KIFAP3: variants seen among roughly 807,000 people sequenced by gnomAD.
The protein encoded by KIFAP3 is kinesin-associated protein 3.
A neutral mutation model predicts 106.5 loss-of-function variants in KIFAP3; 68 were observed. The ratio of observed to expected loss-of-function variants is 0.64; its 90% CI spans 0.53 to 0.78. KIFAP3 has a LOEUF of 0.78. Ranked by LOEUF, KIFAP3 falls within the 30% of genes least tolerant of loss-of-function variation. The probability of loss-of-function intolerance (pLI) is 0.00; values close to 1 mark genes in which losing one functional copy is unlikely to be tolerated. For missense variants in KIFAP3, 780 were observed against 941.8 expected, an observed-to-expected ratio of 0.83 and a Z score of 2.25; for synonymous variants, 320 against 311.5, an observed-to-expected ratio of 1.03 and a Z score of -0.29.
Position 170,034,452 on chromosome 1 carries a change from G to A in KIFAP3, c.662C>T (p.Ala221Val), listed in dbSNP as rs779688993. The change falls in exon 7 of 20, where the codon GCT (alanine) becomes GTT (valine). Residue 221 changes from alanine to valine, a missense_variant. Ala to Val is a moderately conservative substitution (Grantham distance 64). This residue lies in a region of KIFAP3 where 588 missense variants were observed against 678.9 expected (regional missense o/e 0.87). Coordinates refer to ENST00000361580, the MANE Select transcript of KIFAP3 (RefSeq NM_014970.4). ...HGLITHYKIGALCMNIIDHEL... is the reference protein window; with the variant it reads ...HGLITHYKIGVLCMNIIDHEL... ...ATGATCAATAATATTCATACACAGAGCTCCAATTTTATAGTGAGTAATAAG... is the reference window on the plus strand; with the variant it reads ...ATGATCAATAATATTCATACACAGAACTCCAATTTTATAGTGAGTAATAAG... 1 of 1,568,002 alleles carries A rather than the reference G, an allele frequency of 6.4e-7. No individual in the cohort carries two copies. Among genetic ancestry groups the A allele is most frequent in the East Asian group, 2.3e-5 (1 of 44,180 alleles).
At chr1:170,051,392 G>T (rs1403934599) in intron 2 of KIFAP3, among the ~76,000 whole-genome samples, 1 of 151,926 alleles carries the variant, frequency 6.6e-6, no homozygotes, top group Non-Finnish European at 1.5e-5. Flanking sequence ...CACAATAATA[G>T]TGGGAGACTT....
intron 17 of KIFAP3, among the ~76,000 whole-genome samples, chr1:169,968,893 T>A (rs1278406070): frequency 6.6e-6 from 1 of 151,764 alleles, no homozygotes; most frequent in Non-Finnish European, 1.5e-5. Flanking sequence ...TAAAATTATG[T>A]GTGTATATGC....
At chr1:169,994,785 T>A (rs1022694782) in intron 10 of KIFAP3, among the ~76,000 whole-genome samples, 5 of 151,720 alleles carry the variant, frequency 3.3e-5, no homozygotes, top group African/African-American at 1.2e-4. Flanking sequence ...GAATAGAGAG[T>A]CAAATCATTT....
intron 19 of KIFAP3, among the ~76,000 whole-genome samples, chr1:169,943,109 T>C (rs1664232320): frequency 6.6e-6 from 1 of 152,180 alleles, no homozygotes; most frequent in South Asian, 2.1e-4. Flanking sequence ...ACAATCTGTA[T>C]AATTCCTATT....
intron 19 of KIFAP3, among the ~76,000 whole-genome samples, chr1:169,939,561 A>T (rs1663996997): frequency 6.6e-6 from 1 of 152,222 alleles, no homozygotes; most frequent in African/African-American, 2.4e-5. Flanking sequence ...ACTTAAAGCC[A>T]TGGATCTGGA....
chr1:170,010,679 C>G (rs2101986629), intron 10 of KIFAP3, among the ~76,000 whole-genome samples: 1 of 152,068 alleles, frequency 6.6e-6, no homozygotes, highest in East Asian at 1.9e-4. Flanking sequence ...AACTGAGAAG[C>G]AGATTAACTG....
intron 17 of KIFAP3, among the ~76,000 whole-genome samples, chr1:169,962,981 G>A (rs1250824913): frequency 5.9e-5 from 9 of 151,974 alleles, no homozygotes; most frequent in Admixed American, 1.3e-4. Context: ...TTAGGTTCAG[G>A]GATACATGTG....
In KIFAP3 at chr1:170,059,387, T is replaced by C. The variant is rs1032678625; in HGVS notation, c.33-3951A>G. Among the ~76,000 whole-genome samples the C allele has an allele frequency of 9.5e-4, 145 of 152,170 alleles. 2 individuals are homozygous for C. Among genetic ancestry groups the C allele is most frequent in the Non-Finnish European group, 2.9e-4 (20 of 67,984 alleles). On this transcript the variant is annotated intron_variant, in intron 1 of 19. Coordinates refer to ENST00000361580, the MANE Select transcript of KIFAP3 (RefSeq NM_014970.4). ...TCAGAGAATACTATAAACACCTCTA[T>C]GCAAATAAACTAGAAAATCTAGAAG...
chr1:170,074,181 T>C (rs913046504), intron 1 of KIFAP3, among the ~76,000 whole-genome samples: 1 of 151,756 alleles, frequency 6.6e-6, no homozygotes, highest in African/African-American at 2.4e-5. Flanking sequence ...CCCCCTGGAA[T>C]AAGGTGATGT....
At position 170,074,520 on chromosome 1, in the gene KIFAP3, G is replaced by C. The variant is rs1671847599; in HGVS notation, c.-53C>G. The stretch of plus-strand genomic sequence containing the variant: ...ATGGGGTATCTTGAGAGGCAGGCGC[G>C]GTTATTTCCGGGGACGGTGGCCAAA... On this transcript the variant is annotated 5_prime_UTR_variant, in exon 1 of 20. Transcript: ENST00000361580. 4 of 1,612,106 alleles carry C rather than the reference G, an allele frequency of 2.5e-6. No homozygotes were observed. In the Admixed American group the frequency reaches 6.7e-5, roughly 27 times the overall value.
intron 16 of KIFAP3, among the ~76,000 whole-genome samples, chr1:169,973,899 G>T (rs1197927965): frequency 6.6e-6 from 1 of 151,736 alleles, no homozygotes; most frequent in African/African-American, 2.4e-5. Flanking sequence ...TAAGGAAATT[G>T]GTCAACATAC....
At chr1:170,062,598 AT>A (rs1330187937) in intron 1 of KIFAP3, among the ~76,000 whole-genome samples, 4 of 152,086 alleles carry the variant, frequency 2.6e-5, no homozygotes, top group Admixed American at 2.6e-4. Context: ...TTATCTGTAT[AT>A]TATTTTTGTA....
intron 17 of KIFAP3, among the ~76,000 whole-genome samples, chr1:169,968,716 C>T (rs12724797): frequency 0.26 from 38,791 of 151,426 alleles, 6,085 homozygotes; most frequent in East Asian, 0.49. Flanking sequence ...AAGTGTTGAC[C>T]TTTAGTCTTG....
At chr1:170,056,202 A>T (rs972184776) in intron 1 of KIFAP3, among the ~76,000 whole-genome samples, 2 of 152,208 alleles carry the variant, frequency 1.3e-5, no homozygotes, top group East Asian at 3.8e-4. Context: ...TATGTCATGT[A>T]TCATCTAACA....
chr1:169,932,708 T>C (rs1430171531), intron 19 of KIFAP3, among the ~76,000 whole-genome samples: 1 of 79,596 alleles, frequency 1.3e-5, no homozygotes, highest in Non-Finnish European at 2.3e-5. Context: ...TTTTTTTAAT[T>C]AATGTTAAGT....
At chr1:170,043,554 T>A (rs1217905005) in intron 3 of KIFAP3, among the ~76,000 whole-genome samples, 1 of 152,146 alleles carries the variant, frequency 6.6e-6, no homozygotes, top group Non-Finnish European at 1.5e-5. Context: ...ATTACCCAGG[T>A]CATGGTCAGC....
intron 3 of KIFAP3, chr1:170,041,545 C>T (rs769003093): frequency 3.7e-5 from 23 of 616,098 alleles, no homozygotes; most frequent in South Asian, 6.1e-5. Context: ...GGATACCCCT[C>T]GTAGGCATCT....
chr1:170,020,934 G>A (rs1668782861), intron 9 of KIFAP3, among the ~76,000 whole-genome samples: 1 of 152,114 alleles, frequency 6.6e-6, no homozygotes, highest in African/African-American at 2.4e-5. Context: ...ACTTGGGTTA[G>A]ACAAAGATTT....
rs975834175 is a variant in KIFAP3 at position 170,074,561 on chromosome 1, G to C, written c.-94C>G. 178 of 1,594,902 alleles carry C rather than the reference G, an allele frequency of 1.1e-4. No homozygotes were observed. The highest frequency in any genetic ancestry group is 1.5e-4 in the Non-Finnish European group (175 of 1,171,066). On this transcript the variant is annotated 5_prime_UTR_variant, in exon 1 of 20. Transcript: ENST00000361580. ...GGTGGCCAAAGTACCCTCACACCCAGAGGCGATGACAGTCCTGAGGCCTGC... is the reference window on the plus strand; with the variant it reads ...GGTGGCCAAAGTACCCTCACACCCACAGGCGATGACAGTCCTGAGGCCTGC...
Sources: allele counts gnomAD v4.1 joint callset (sites outside exome capture counted in the v4.1 genomes callset), GRCh38; gene constraint gnomAD v4.1.1; regional missense constraint gnomAD v4.1.1; transcripts MANE v1.5; gene names NCBI Gene and HGNC (gene_info 2026-07-23, HGNC 2026-07-21).